The following TPST1 variants were observed in gnomAD, a reference collection of about 807,000 sequenced individuals.
TPST1 encodes protein-tyrosine sulfotransferase 1.
TPST1 carries 20 observed loss-of-function variants against 34.8 expected under a neutral mutation model. The ratio of observed to expected loss-of-function variants is 0.57; its 90% CI spans 0.40 to 0.84. TPST1 has a LOEUF of 0.84. TPST1 is among the 40% of genes least tolerant of loss of function. TPST1 has a pLI of 0.00. For missense variants in TPST1, 353 were observed against 455.5 expected (o/e 0.78, Z 2.05); for synonymous variants, 152 against 159.4 (o/e 0.95, Z 0.35).
the TPST1 span, among the ~76,000 whole-genome samples, chr7:66,199,807 G>C: frequency 6.6e-6 from 1 of 151,442 alleles, no homozygotes; most frequent in Non-Finnish European, 1.5e-5. Context: ...TCTGCCTCCT[G>C]GGTTCAAGGA....
intron 3 of TPST1, among the ~76,000 whole-genome samples, chr7:66,319,039 T>A (rs1791695228): frequency 6.6e-6 from 1 of 152,212 alleles, no homozygotes; most frequent in Admixed American, 6.5e-5. Context: ...CCAATTTTAC[T>A]ACAATATAGC....
chr7:66,259,653 T>G (rs1790447223), intron 2 of TPST1, among the ~76,000 whole-genome samples: 1 of 152,094 alleles, frequency 6.6e-6, no homozygotes, highest in African/African-American at 2.4e-5. Flanking sequence ...GAACAGAAAG[T>G]GTAGAGAGTT....
chr7:66,219,025 C>T (rs1465709448), intron 1 of TPST1, among the ~76,000 whole-genome samples: 1 of 149,606 alleles, frequency 6.7e-6, no homozygotes, highest in African/African-American at 2.5e-5. Flanking sequence ...GGACTTCAGG[C>T]ATGTACCACC....
chr7:66,270,853 G>A (rs1790690407), intron 2 of TPST1, among the ~76,000 whole-genome samples: 1 of 152,146 alleles, frequency 6.6e-6, no homozygotes, highest in Admixed American at 6.6e-5. Flanking sequence ...GATTTTAGCA[G>A]CCATTGATCC....
intron 3 of TPST1, chr7:66,344,464 G>A (rs1162033470): frequency 6.6e-6 from 1 of 152,234 alleles, no homozygotes; most frequent in African/African-American, 2.4e-5. Flanking sequence ...CTGAGCTGTA[G>A]TGCAGTGGCA....
intron 3 of TPST1, among the ~76,000 whole-genome samples, chr7:66,307,303 A>G (rs1346722429): frequency 6.6e-6 from 1 of 151,824 alleles, no homozygotes; most frequent in East Asian, 1.9e-4. Flanking sequence ...TATTTTTAGT[A>G]GAGACGGGGT....
At chr7:66,342,711 A>AAG (rs1252278876) in intron 3 of TPST1, among the ~76,000 whole-genome samples, 1 of 152,014 alleles carries the variant, frequency 6.6e-6, no homozygotes, top group African/African-American at 2.4e-5. Context: ...GAGAGAGAGC[A>AAG]AGAGAGAGAG....
intron 3 of TPST1, among the ~76,000 whole-genome samples, chr7:66,298,141 T>C (rs1791239514): frequency 6.6e-6 from 1 of 152,164 alleles, no homozygotes; most frequent in Non-Finnish European, 1.5e-5. Context: ...GTTGAAAAAA[T>C]ATGTATTCTG....
At position 66,230,579 on chromosome 7, in the gene TPST1, C is replaced by T. The variant is rs144934448; in HGVS notation, c.-101-9746C>T. On this transcript the variant is annotated intron_variant, in intron 1 of 5. Coordinates refer to ENST00000304842, the MANE Select transcript of TPST1 (RefSeq NM_003596.4). ...CGCGTCTGGAGCTGTTCGTTCCTCC[C>T]GGTGGGCTTGTGGTCTCGCTGGCTT... Among the ~76,000 whole-genome samples, 422 of 152,096 alleles carry T rather than the reference C, an allele frequency of 2.8e-3. 13 individuals carry two copies. The East Asian group carries it at 0.074, about 27-fold the overall frequency.
chr7:66,206,123 CTTTTTTT>C (rs55882173), intron 1 of TPST1, among the ~76,000 whole-genome samples: 5 of 116,146 alleles, frequency 4.3e-5, no homozygotes, highest in Admixed American at 1.7e-4. Context: ...GGATTCATCG[CTTTTTTT>C]TTTTTTTTTT....
At chr7:66,226,804 C>G (rs1484395274) in intron 1 of TPST1, among the ~76,000 whole-genome samples, 2 of 152,056 alleles carry the variant, frequency 1.3e-5, no homozygotes, top group African/African-American at 4.8e-5. Flanking sequence ...TAAATTATCC[C>G]TTAGTAAAGA....
Position 66,263,155 on chromosome 7 carries a change from T to C in TPST1, c.845+21885T>C, listed in dbSNP as rs572452114. Among the ~76,000 whole-genome samples the C allele has an allele frequency of 9.2e-4, 140 of 152,186 alleles. 1 individual carries two copies. Among genetic ancestry groups the C allele is most frequent in the Non-Finnish European group, 6.2e-4 (42 of 68,002 alleles). ...AAATAAAATAAAATATTATCCTTGT[T>C]AAACAGGTTAAAGGGAAAAAGAATA... is the stretch of plus-strand genomic sequence containing the variant. On this transcript the variant is annotated intron_variant, in intron 2 of 5. Transcript: ENST00000304842.
upstream of TPST1, among the ~76,000 whole-genome samples, chr7:66,204,964 C>G (rs1322581712): frequency 6.6e-6 from 1 of 152,272 alleles, no homozygotes; most frequent in Non-Finnish European, 1.5e-5. Flanking sequence ...CTGATGAAGG[C>G]CTCTGGGACA....
At chr7:66,347,683 C>T (rs1210999561) in intron 3 of TPST1, among the ~76,000 whole-genome samples, 1 of 152,098 alleles carries the variant, frequency 6.6e-6, no homozygotes. Flanking sequence ...TCCAGGTAAA[C>T]TTTAGAATTG....
chr7:66,347,596 G>A (rs925498831), intron 3 of TPST1, among the ~76,000 whole-genome samples: 12 of 152,084 alleles, frequency 7.9e-5, no homozygotes, highest in African/African-American at 2.7e-4. Context: ...AGTATAATTC[G>A]AATTCAGGTA....
At chr7:66,318,246 C>G (rs1397116298) in intron 3 of TPST1, among the ~76,000 whole-genome samples, 1 of 152,006 alleles carries the variant, frequency 6.6e-6, no homozygotes, top group African/African-American at 2.4e-5. Context: ...CACAAACATC[C>G]TAACTCTGAT....
In TPST1 at chr7:66,241,306, A is replaced by G. The variant is rs373139061; in HGVS notation, c.845+36A>G. On this transcript the variant is annotated intron_variant, in intron 2 of 5. Transcript: ENST00000304842. ...GATACGTTTTTTATTTTGACTCTAT[A>G]TTTAGCTAATAATGATCTATACATA... The G allele has an allele frequency of 3.0e-4, 462 of 1,562,332 alleles. 2 individuals carry two copies. The highest frequency in any genetic ancestry group is 4.1e-4 in the South Asian group (33 of 80,424).
intron 4 of TPST1, among the ~76,000 whole-genome samples, chr7:66,356,089 G>A (rs912493477): frequency 6.6e-6 from 1 of 151,978 alleles, no homozygotes; most frequent in African/African-American, 2.4e-5. Context: ...ACACACACAC[G>A]TAGAAAAGGG....
At chr7:66,264,264 A>G (rs994375735) in intron 2 of TPST1, among the ~76,000 whole-genome samples, 12 of 152,242 alleles carry the variant, frequency 7.9e-5, no homozygotes, top group African/African-American at 2.2e-4. Context: ...TAAAGAGCCT[A>G]GGAGCAGAGA....
Sources: gnomAD v4.1 joint callset for allele counts (sites outside exome capture counted in the v4.1 genomes callset) on GRCh38, gnomAD v4.1.1 for gene constraint, MANE v1.5 for transcripts, NCBI Gene and HGNC (gene_info 2026-07-23, HGNC 2026-07-21) for gene names.